The following TUBGCP3 variants were observed in gnomAD, a reference collection of about 807,000 sequenced individuals.
The protein encoded by TUBGCP3 is tubulin gamma complex component 3, also known as gamma-tubulin complex component 3.
TUBGCP3 carries 50 observed loss-of-function variants against 123.1 expected under a neutral mutation model. The observed-to-expected ratio is 0.41, with a 90% CI of 0.32 to 0.51. TUBGCP3 has a LOEUF of 0.51. TUBGCP3 is among the 20% of genes least tolerant of loss of function. The pLI is 0.36. For missense variants in TUBGCP3, 882 were observed against 1,127.0 expected, an observed-to-expected ratio of 0.78 and a Z score of 3.11; for synonymous variants, 405 against 413.9, an observed-to-expected ratio of 0.98 and a Z score of 0.26.
chr13:112,505,618 T>C (rs1881241123), intron 17 of TUBGCP3, among the ~76,000 whole-genome samples: 1 of 152,248 alleles, frequency 6.6e-6, no homozygotes, highest in Non-Finnish European at 1.5e-5. Flanking sequence ...AAAGATCAAC[T>C]GACACCTTGC....
intron 11 of TUBGCP3, among the ~76,000 whole-genome samples, chr13:112,543,988 C>T (rs971494812): frequency 6.6e-6 from 1 of 152,134 alleles, no homozygotes; most frequent in Non-Finnish European, 1.5e-5. Context: ...TGCAAATAAA[C>T]ACCCCAGTGA....
At chr13:112,560,687 T>C (rs938415443) in intron 3 of TUBGCP3, among the ~76,000 whole-genome samples, 1 of 152,222 alleles carries the variant, frequency 6.6e-6, no homozygotes, top group African/African-American at 2.4e-5. Flanking sequence ...CTCCATTATA[T>C]AAAACATTCT....
intron 20 of TUBGCP3, among the ~76,000 whole-genome samples, chr13:112,498,037 C>T (rs114745768): frequency 6.6e-6 from 1 of 152,172 alleles, no homozygotes; most frequent in Non-Finnish European, 1.5e-5. Context: ...CATGTACACA[C>T]ACACACACAT....
chr13:112,582,423 A>T (rs896592684), intron 1 of TUBGCP3, among the ~76,000 whole-genome samples: 1 of 152,230 alleles, frequency 6.6e-6, no homozygotes, highest in Non-Finnish European at 1.5e-5. Flanking sequence ...GCACTATGAC[A>T]GCTCATGACC....
intron 3 of TUBGCP3, among the ~76,000 whole-genome samples, chr13:112,564,841 G>A (rs1880829533): frequency 2.0e-5 from 3 of 152,186 alleles, no homozygotes; most frequent in African/African-American, 7.2e-5. Context: ...TCCCAGCAGT[G>A]TAATTAAGCG....
chr13:112,593,541 C>T, the TUBGCP3 span, among the ~76,000 whole-genome samples: 3 of 152,016 alleles, frequency 2.0e-5, no homozygotes, highest in Non-Finnish European at 2.9e-5. Context: ...GGCATGCTGC[C>T]GCGTGCCTGC....
At chr13:112,587,736 C>A (rs1882718735) in intron 1 of TUBGCP3, among the ~76,000 whole-genome samples, 169 bp downstream of exon 1, 2 of 152,110 alleles carry the variant, frequency 1.3e-5, no homozygotes, top group African/African-American at 4.8e-5. Flanking sequence ...GACCCTCGAA[C>A]CCCAGCCCTC....
intron 11 of TUBGCP3, among the ~76,000 whole-genome samples, chr13:112,536,666 T>C (rs1379536571): frequency 6.6e-6 from 1 of 152,246 alleles, no homozygotes; most frequent in Non-Finnish European, 1.5e-5. Context: ...GGTGAACTTA[T>C]ACATTAGACA....
intron 1 of TUBGCP3, among the ~76,000 whole-genome samples, chr13:112,575,296 C>T (rs1325004233): frequency 6.6e-6 from 1 of 152,170 alleles, no homozygotes; most frequent in East Asian, 1.9e-4. Flanking sequence ...ATTCAAAGAA[C>T]GTGAACTGGC....
rs1881538758 is a variant in TUBGCP3 at position 112,509,670 on chromosome 13, G to A, written c.2087-4956C>T. ...TTGAGACAAAGCCCCTTGACAGTGAGAGACATATGGTTGCTGCTGAGGACG... is the reference window on the plus strand; with the variant it reads ...TTGAGACAAAGCCCCTTGACAGTGAAAGACATATGGTTGCTGCTGAGGACG... On this transcript the variant is annotated intron_variant, in intron 17 of 21. Transcript: ENST00000261965. 2.0e-5 allele frequency among the ~76,000 whole-genome samples: 3 copies of A among 152,226 alleles called. No homozygotes were observed. In the South Asian group the frequency reaches 6.2e-4, roughly 31 times the overall value.
At position 112,498,599 on chromosome 13, in the gene TUBGCP3, C is replaced by G. The variant is rs371957705; in HGVS notation, c.2448+446G>C. Among the ~76,000 whole-genome samples the G allele has an allele frequency of 7.9e-5, 12 of 152,334 alleles. No homozygotes were observed. In the South Asian group the frequency reaches 2.5e-3, roughly 32 times the overall value. On this transcript the variant is annotated intron_variant, in intron 20 of 21. Coordinates refer to ENST00000261965, the MANE Select transcript of TUBGCP3 (RefSeq NM_006322.6). Reference sequence around the variant, plus strand: ...CTCCATCTATATTATATTAAATGCACTTTCAGTGTAGAATGTGCTCATTGG... The same window carrying G: ...CTCCATCTATATTATATTAAATGCAGTTTCAGTGTAGAATGTGCTCATTGG...
intron 10 of TUBGCP3, chr13:112,547,355 C>A: frequency 4.4e-6 from 2 of 455,836 alleles, no homozygotes; most frequent in Non-Finnish European, 7.2e-6. Flanking sequence ...CTGGGCCACA[C>A]TGGCAAGTGG....
chr13:112,545,674 C>A lies in TUBGCP3; in HGVS notation c.1335+25G>T, dbSNP rs1878929253. The A allele has an allele frequency of 1.2e-6, 2 of 1,603,324 alleles. No individual in the cohort carries two copies. Among genetic ancestry groups the A allele is most frequent in the Non-Finnish European group, 1.7e-6 (2 of 1,170,730 alleles). On this transcript the variant is annotated intron_variant, in intron 11 of 21. Coordinates refer to ENST00000261965, the MANE Select transcript of TUBGCP3 (RefSeq NM_006322.6). This position sits in a 1 kb window ranked among gnomAD's most constrained non-coding sequence, Gnocchi z 4.1. Reference sequence around the variant, plus strand: ...GTGCCCATGCTTTTTAAATCCAAGTCTCAGAACCGAACACCGATCCTTACT... The same window carrying A: ...GTGCCCATGCTTTTTAAATCCAAGTATCAGAACCGAACACCGATCCTTACT...
chr13:112,495,692 C>T (rs1880484691), intron 20 of TUBGCP3, among the ~76,000 whole-genome samples: 1 of 152,152 alleles, frequency 6.6e-6, no homozygotes, highest in South Asian at 2.1e-4. Flanking sequence ...GAGACTAGGA[C>T]ACAGAGAGCA....
At chr13:112,495,599 A>G (rs1229666888) in intron 20 of TUBGCP3, among the ~76,000 whole-genome samples, 2 of 152,222 alleles carry the variant, frequency 1.3e-5, no homozygotes, top group Non-Finnish European at 2.9e-5. Context: ...TCTTGGAATA[A>G]GCTGAAACTT....
At position 112,541,541 on chromosome 13, in the gene TUBGCP3, C is replaced by CAA. The variant is rs57599177; in HGVS notation, c.1335+4156_1335+4157dup. Among the ~76,000 whole-genome samples the CAA allele has an allele frequency of 7.7e-3, 787 of 102,766 alleles. 9 individuals carry two copies. Among genetic ancestry groups the CAA allele is most frequent in the African/African-American group, 0.022 (718 of 32,226 alleles). The allele number at this position is 102,766 out of a possible 152,430, so 67.4% of individuals were successfully genotyped here. A position where few individuals can be genotyped will look rare whatever the true frequency, so the allele number is the denominator to read the frequency against. On this transcript the variant is annotated intron_variant, in intron 11 of 21. Transcript: ENST00000261965. Reference sequence around the variant, plus strand: ...TCGGCGGCAGAGCAAGACTCCGTCTCAAAAAAAAAAAAAAAAAAATACCAC... The same window carrying CAA: ...TCGGCGGCAGAGCAAGACTCCGTCTCAAAAAAAAAAAAAAAAAAAAATACCAC...
At chr13:112,544,003 G>A (rs1296793475) in intron 11 of TUBGCP3, among the ~76,000 whole-genome samples, 1 of 152,186 alleles carries the variant, frequency 6.6e-6, no homozygotes, top group Non-Finnish European at 1.5e-5. Flanking sequence ...CAGTGAGATG[G>A]CACATTTCGT....
intron 1 of TUBGCP3, among the ~76,000 whole-genome samples, chr13:112,581,841 A>C (rs1327230912): frequency 6.6e-6 from 1 of 152,102 alleles, no homozygotes; most frequent in Admixed American, 6.5e-5. Flanking sequence ...ACTTTCTCAT[A>C]CCAAAAAGTT....
At chr13:112,526,516 T>C (rs1213684576) in intron 13 of TUBGCP3, among the ~76,000 whole-genome samples, 1 of 148,476 alleles carries the variant, frequency 6.7e-6, no homozygotes, top group Non-Finnish European at 1.5e-5. Context: ...ATCACCACCA[T>C]CACTGCCACC....
Sources: gnomAD v4.1 joint callset for allele counts (sites outside exome capture counted in the v4.1 genomes callset) on GRCh38, gnomAD v4.1.1 for gene constraint, Gnocchi (gnomAD v3.1) non-coding constraint, MANE v1.5 for transcripts, NCBI Gene and HGNC (gene_info 2026-07-23, HGNC 2026-07-21) for gene names.